The following B3GALT6 variants were observed in gnomAD, a reference collection of about 807,000 sequenced individuals.
The protein encoded by B3GALT6 is GAG GalTII.
A neutral mutation model predicts 23.3 loss-of-function variants in B3GALT6; 27 were observed. The observed-to-expected ratio is 1.16, with a 90% CI of 0.85 to 1.60. B3GALT6 has a LOEUF of 1.60. Among genes scored for constraint, B3GALT6 ranks in the 40% most tolerant of loss-of-function variants. The probability of loss-of-function intolerance (pLI) is 0.00; values close to 1 mark genes in which losing one functional copy is unlikely to be tolerated. For synonymous variants in B3GALT6, 313 were observed against 232.3 expected (o/e 1.35, Z -3.16); for missense variants, 554 against 471.1 (o/e 1.18, Z -1.63).
rs1408150364 is a variant in B3GALT6 at position 1,234,868 on chromosome 1, G to A, written c.*1600G>A. On this transcript the variant is annotated 3_prime_UTR_variant, in exon 1 of 1. Transcript: ENST00000379198. ...GGCTGGACTCCCACACCTCTGGCCT[G>A]CGTCGCCCAGTTCTTTGTGGCTCTG... 3.6e-5 allele frequency: 6 copies of A among 166,902 alleles called. No individual in the cohort carries two copies. The Admixed American group carries it at 3.9e-4, about 11-fold the overall frequency. 10.3% of individuals were successfully genotyped at this position (166,902 alleles called of 1,614,324 possible). A position where few individuals can be genotyped will look rare whatever the true frequency, so the allele number is the denominator to read the frequency against.
rs1638568014 is a variant in B3GALT6 at position 1,233,081 on chromosome 1, C to T, written c.803C>T (p.Ser268Phe). The change falls in exon 1 of 1, where the codon TCC (serine) becomes TTC (phenylalanine). Residue 268 changes from serine (S) to phenylalanine (F), a missense_variant. Ser to Phe is a radical substitution (Grantham distance 155, BLOSUM62 -2). Coordinates refer to ENST00000379198, the MANE Select transcript of B3GALT6 (RefSeq NM_080605.4). ...HDPRFDTEYRSRGCSNQYLVT... is the reference protein window; with the variant it reads ...HDPRFDTEYRFRGCSNQYLVT... ...CCGCGCTTCGACACCGAATACCGGT[C>T]CCGCGGCTGCAGCAACCAGTACCTG... 5 of 1,556,920 alleles carry T rather than the reference C, an allele frequency of 3.2e-6. No homozygotes were observed. In the Admixed American group the frequency reaches 5.6e-5, roughly 17 times the overall value.
Position 1,233,036 on chromosome 1 carries a change from A to G in B3GALT6, c.758A>G (p.Asp253Gly). The change falls in exon 1 of 1, where the codon GAC becomes GGC. Residue 253 changes from aspartate to glycine, a missense_variant. Physicochemically the swap from Asp to Gly is moderately conservative, Grantham distance 94. Coordinates refer to ENST00000379198, the MANE Select transcript of B3GALT6 (RefSeq NM_080605.4). The part of the protein sequence containing the change: ...VSLGAWLAPV[D>G]VQREHDPRFD... Reference sequence around the variant, plus strand: ...CTGGGCGCCTGGCTGGCGCCGGTGGACGTCCAGCGGGAGCACGACCCGCGC... The same window carrying G: ...CTGGGCGCCTGGCTGGCGCCGGTGGGCGTCCAGCGGGAGCACGACCCGCGC... 6.4e-7 allele frequency: 1 copy of G among 1,551,384 alleles called. No individual in the cohort carries two copies.
In B3GALT6 at chr1:1,232,829, G is replaced by A; in HGVS notation, c.551G>A (p.Gly184Asp). The A allele has an allele frequency of 1.4e-6, 2 of 1,447,972 alleles. No homozygotes were observed. Among genetic ancestry groups the A allele is most frequent in the Non-Finnish European group, 1.8e-6 (2 of 1,115,418 alleles). 89.7% of individuals were successfully genotyped at this position (1,447,972 alleles called of 1,614,324 possible). Residue 184 changes from glycine to aspartate, a missense_variant, in exon 1 of 1, where the codon GGC (glycine) becomes GAC (aspartate). Transcript: ENST00000379198. Reference protein sequence around the residue: ...EPARRRRLYWGFFSGRGRVKP... With the variant: ...EPARRRRLYWDFFSGRGRVKP... ...GCGCGCCGCCGCCGCCTCTACTGGG[G>A]CTTCTTCTCGGGCCGCGGCCGCGTC...
rs925785977 is a variant in B3GALT6, at chr1:1,234,281, T to C, written c.*1013T>C. Reference sequence around the variant, plus strand: ...TTGGGACCGGGTCCAGTCTGGGGTCTAGTCTCGAGCATCAGGGTCAGGCTC... The same window carrying C: ...TTGGGACCGGGTCCAGTCTGGGGTCCAGTCTCGAGCATCAGGGTCAGGCTC... On this transcript the variant is annotated 3_prime_UTR_variant, in exon 1 of 1. Transcript: ENST00000379198. The C allele has an allele frequency of 1.2e-5, 2 of 166,908 alleles. No homozygotes were observed. The highest frequency in any genetic ancestry group is 4.8e-5 in the African/African-American group (2 of 41,426). The allele number at this position is 166,908 out of a possible 1,614,324, so 10.3% of individuals were successfully genotyped here.
At position 1,233,925 on chromosome 1, in the gene B3GALT6, C is replaced by T. The variant is rs771909041; in HGVS notation, c.*657C>T. ...TTCTGAAGAGACTTTCCTTTCAAGG[C>T]TTCCCATGGGTCCGCGCCACACAGG... On this transcript the variant is annotated 3_prime_UTR_variant, in exon 1 of 1. Coordinates refer to ENST00000379198, the MANE Select transcript of B3GALT6 (RefSeq NM_080605.4). 8 of 166,776 alleles carry T rather than the reference C, an allele frequency of 4.8e-5. No homozygotes were observed. The highest frequency in any genetic ancestry group is 2.1e-4 in the South Asian group (1 of 4,814). The allele number at this position is 166,776 out of a possible 1,614,324, so 10.3% of individuals were successfully genotyped here. A position where few individuals can be genotyped will look rare whatever the true frequency, so the allele number is the denominator to read the frequency against.
Position 1,232,241 on chromosome 1 carries a change from G to C in B3GALT6, c.-38G>C, listed in dbSNP as rs1386625448. On this transcript the variant is annotated 5_prime_UTR_variant, in exon 1 of 1. Transcript: ENST00000379198. ...CCGAGCCGGCGGCGCCTGCGCACTC[G>C]CGAGTCCGGCCTGGGCCGCCGGCCC... 7.1e-6 allele frequency: 7 copies of C among 980,580 alleles called. No individual in the cohort carries two copies. The highest frequency in any genetic ancestry group is 1.1e-4 in the East Asian group (1 of 8,738). The allele number at this position is 980,580 out of a possible 1,614,324, so 60.7% of individuals were successfully genotyped here. A position where few individuals can be genotyped will look rare whatever the true frequency, so the allele number is the denominator to read the frequency against.
rs1200418637 is a variant in B3GALT6 at position 1,233,028 on chromosome 1, G to A, written c.750G>A (p.Ala250=). Residue 250 remains alanine, a synonymous_variant, in exon 1 of 1, where the codon GCG becomes GCA. Transcript: ENST00000379198. ...ACGTGTCTCTGGGCGCCTGGCTGGC[G>A]CCGGTGGACGTCCAGCGGGAGCACG... ...SEDVSLGAWL[A]PVDVQREHDP... 14 of 1,551,738 alleles carry A rather than the reference G, an allele frequency of 9.0e-6. No homozygotes were observed. The highest frequency in any genetic ancestry group is 7.6e-5 in the Admixed American group (4 of 52,924).
chr1:1,232,533 G>T lies in B3GALT6; in HGVS notation c.255G>T (p.Gly85=), dbSNP rs1372150716. The change falls in exon 1 of 1, where the codon GGG becomes GGT. Residue 85 remains glycine (G), a synonymous_variant. Coordinates refer to ENST00000379198, the MANE Select transcript of B3GALT6 (RefSeq NM_080605.4). ...VIRSTWLARR[G]APGDVWARFA... ...GCAGCACGTGGCTTGCGCGGCGCGG[G>T]GCCCCGGGCGACGTGTGGGCGCGCT... 3.5e-6 allele frequency: 4 copies of T among 1,149,010 alleles called. No homozygotes were observed. In the African/African-American group the frequency reaches 4.9e-5, roughly 14 times the overall value. 71.2% of individuals were successfully genotyped at this position (1,149,010 alleles called of 1,614,324 possible). A position where few individuals can be genotyped will look rare whatever the true frequency, so the allele number is the denominator to read the frequency against.
rs1487851908 is a variant in B3GALT6 at position 1,234,834 on chromosome 1, C to T, written c.*1566C>T. ...CCCATGGACAGTGGAGAGCGGGATT[C>T]GAACCAAGGGCTGGACTCCCACACC... On this transcript the variant is annotated 3_prime_UTR_variant, in exon 1 of 1. Coordinates refer to ENST00000379198, the MANE Select transcript of B3GALT6 (RefSeq NM_080605.4). 6.0e-6 allele frequency: 1 copy of T among 166,880 alleles called. No individual in the cohort carries two copies. Among genetic ancestry groups the T allele is most frequent in the Non-Finnish European group, 1.5e-5 (1 of 68,112 alleles). The allele number at this position is 166,880 out of a possible 1,614,324, so 10.3% of individuals were successfully genotyped here. A position where few individuals can be genotyped will look rare whatever the true frequency, so the allele number is the denominator to read the frequency against.
Position 1,233,043 on chromosome 1 carries a change from G to T in B3GALT6, c.765G>T (p.Gln255His). ...LGAWLAPVDV[Q>H]REHDPRFDTE... ...CCTGGCTGGCGCCGGTGGACGTCCA[G>T]CGGGAGCACGACCCGCGCTTCGACA... The change falls in exon 1 of 1, where the codon CAG becomes CAT. Residue 255 changes from glutamine to histidine, a missense_variant. Transcript: ENST00000379198. 2 of 1,550,284 alleles carry T rather than the reference G, an allele frequency of 1.3e-6. No individual in the cohort carries two copies.
Position 1,232,439 on chromosome 1 carries a change from G to T in B3GALT6, c.161G>T (p.Arg54Leu). ...GRSPPPPAPA[R>L]AAAFLAVLVA... ...AGCCCGCCTCCCCCCGCGCCCGCGC[G>T]CGCCGCCGCCTTCCTGGCAGTGCTG... Residue 54 changes from arginine to leucine, a missense_variant, in exon 1 of 1, where the codon CGC becomes CTC. By Grantham distance (102) the Arg-to-Leu change is moderately radical (BLOSUM62 -2). Coordinates refer to ENST00000379198, the MANE Select transcript of B3GALT6 (RefSeq NM_080605.4). The T allele has an allele frequency of 1.0e-6, 1 of 994,558 alleles. No homozygotes were observed. The highest frequency in any genetic ancestry group is 1.2e-6 in the Non-Finnish European group (1 of 837,836). 61.6% of individuals were successfully genotyped at this position (994,558 alleles called of 1,614,324 possible). A position where few individuals can be genotyped will look rare whatever the true frequency, so the allele number is the denominator to read the frequency against.
In B3GALT6 at chr1:1,232,683, G is replaced by T; in HGVS notation, c.405G>T (p.Lys135Asn). The T allele has an allele frequency of 7.3e-7, 1 of 1,376,116 alleles. No homozygotes were observed. Among genetic ancestry groups the T allele is most frequent in the South Asian group, 1.7e-5 (1 of 60,174 alleles). The allele number at this position is 1,376,116 out of a possible 1,614,324, so 85.2% of individuals were successfully genotyped here. ...LRDAYENLTAKVLAMLAWLDE... is the reference protein window; with the variant it reads ...LRDAYENLTANVLAMLAWLDE... The stretch of plus-strand genomic sequence containing the variant: ...ACGCCTACGAAAACCTCACGGCCAA[G>T]GTGCTGGCCATGCTGGCCTGGCTGG... Residue 135 changes from lysine (K) to asparagine (N), a missense_variant, in exon 1 of 1, where the codon AAG (lysine) becomes AAT (asparagine). By Grantham distance (94) the Lys-to-Asn change is moderately conservative. Coordinates refer to ENST00000379198, the MANE Select transcript of B3GALT6 (RefSeq NM_080605.4).
chr1:1,234,222 G>C lies in B3GALT6; in HGVS notation c.*954G>C, dbSNP rs1171068674. On this transcript the variant is annotated 3_prime_UTR_variant, in exon 1 of 1. Transcript: ENST00000379198. ...CGCGGGTTTTCTCTCTGGGGGACCTGGGTGGTCCCCGCTGTGGTCTTTGTT... is the reference window on the plus strand; with the variant it reads ...CGCGGGTTTTCTCTCTGGGGGACCTCGGTGGTCCCCGCTGTGGTCTTTGTT... 6.0e-6 allele frequency: 1 copy of C among 167,012 alleles called. No homozygotes were observed. The highest frequency in any genetic ancestry group is 3.4e-3 in the Middle Eastern group (1 of 298). 10.3% of individuals were successfully genotyped at this position (167,012 alleles called of 1,614,324 possible).
At position 1,233,852 on chromosome 1, in the gene B3GALT6, C is replaced by T. The variant is rs545692950; in HGVS notation, c.*584C>T. 3 of 167,026 alleles carry T rather than the reference C, an allele frequency of 1.8e-5. No individual in the cohort carries two copies. The highest frequency in any genetic ancestry group is 4.1e-4 in the South Asian group (2 of 4,826). The allele number at this position is 167,026 out of a possible 1,614,324, so 10.3% of individuals were successfully genotyped here. A position where few individuals can be genotyped will look rare whatever the true frequency, so the allele number is the denominator to read the frequency against. The stretch of plus-strand genomic sequence containing the variant: ...GTTTAAACGCAGGAGAACTTTAAAA[C>T]TGGCCATCTATCTTTTCAGTGTACA... On this transcript the variant is annotated 3_prime_UTR_variant, in exon 1 of 1. Transcript: ENST00000379198.
Position 1,232,959 on chromosome 1 carries a change from C to A in B3GALT6, c.681C>A (p.Tyr227Ter), listed in dbSNP as rs1375562480. 2.6e-6 allele frequency: 4 copies of A among 1,564,834 alleles called. No homozygotes were observed. Among genetic ancestry groups the A allele is most frequent in the South Asian group, 2.3e-5 (2 of 86,676 alleles). ...GYVLSADLVH[Y>*]LRLSRDYLRA... The stretch of plus-strand genomic sequence containing the variant: ...TGCTCTCGGCCGACCTGGTGCACTA[C>A]CTGCGCCTCAGCCGCGACTACCTGC... Residue 227 changes from tyrosine (Y) to a stop codon, truncating the protein, a stop_gained, in exon 1 of 1, where the codon TAC (tyrosine) becomes TAA (stop). Coordinates refer to ENST00000379198, the MANE Select transcript of B3GALT6 (RefSeq NM_080605.4). LOFTEE classifies it high-confidence loss of function.
In B3GALT6 at chr1:1,232,326, G is replaced by A. The variant is rs1570497749; in HGVS notation, c.48G>A (p.Leu16=). 3.0e-6 allele frequency: 3 copies of A among 984,064 alleles called. No homozygotes were observed. Among genetic ancestry groups the A allele is most frequent in the Non-Finnish European group, 1.2e-6 (1 of 830,462 alleles). The allele number at this position is 984,064 out of a possible 1,614,324, so 61.0% of individuals were successfully genotyped here. A position where few individuals can be genotyped will look rare whatever the true frequency, so the allele number is the denominator to read the frequency against. ...RAWRRRAALG[L]GTLALCGAAL... ...GGCGGCGGCGGGCGGCGCTAGGCCT[G>A]GGCACGCTGGCGCTGTGCGGGGCGG... Residue 16 remains leucine, a synonymous_variant, in exon 1 of 1, where the codon CTG becomes CTA. Transcript: ENST00000379198.
Position 1,233,223 on chromosome 1 carries a change from C to A in B3GALT6, c.945C>A (p.Ser315=), listed in dbSNP as rs931648533. 6.6e-7 allele frequency: 1 copy of A among 1,513,084 alleles called. No individual in the cohort carries two copies. The highest frequency in any genetic ancestry group is 2.1e-5 in the Admixed American group (1 of 48,296). 93.7% of individuals were successfully genotyped at this position (1,513,084 alleles called of 1,614,324 possible). A position where few individuals can be genotyped will look rare whatever the true frequency, so the allele number is the denominator to read the frequency against. ...GCCTGTCCTACGTGTACGACTGGTC[C>A]GCGCCGCCCTCGCAGTGCTGCCAGA... is the stretch of plus-strand genomic sequence containing the variant. ...QLRLSYVYDW[S]APPSQCCQRR... The change falls in exon 1 of 1, where the codon TCC becomes TCA. Residue 315 remains serine (S), a synonymous_variant. Coordinates refer to ENST00000379198, the MANE Select transcript of B3GALT6 (RefSeq NM_080605.4).
chr1:1,232,343 G>T lies in B3GALT6; in HGVS notation c.65G>T (p.Cys22Phe). 2.0e-6 allele frequency: 2 copies of T among 984,844 alleles called. No homozygotes were observed. Among genetic ancestry groups the T allele is most frequent in the African/African-American group, 3.5e-5 (2 of 56,834 alleles). 61.0% of individuals were successfully genotyped at this position (984,844 alleles called of 1,614,324 possible). A position where few individuals can be genotyped will look rare whatever the true frequency, so the allele number is the denominator to read the frequency against. The change falls in exon 1 of 1, where the codon TGC becomes TTC. Residue 22 changes from cysteine (C) to phenylalanine (F), a missense_variant. Transcript: ENST00000379198. ...CTAGGCCTGGGCACGCTGGCGCTGT[G>T]CGGGGCGGCGCTGCTCTACCTGGCG... is the stretch of plus-strand genomic sequence containing the variant. ...AALGLGTLAL[C>F]GAALLYLARC...
At position 1,232,370 on chromosome 1, in the gene B3GALT6, G is replaced by C. The variant is rs1051860119; in HGVS notation, c.92G>C (p.Arg31Pro). Reference protein sequence around the residue: ...LCGAALLYLARCAAEPGDPRA... With the variant: ...LCGAALLYLAPCAAEPGDPRA... ...GGGGCGGCGCTGCTCTACCTGGCGC[G>C]CTGCGCGGCCGAGCCCGGGGACCCC... Residue 31 changes from arginine to proline, a missense_variant, in exon 1 of 1, where the codon CGC (arginine) becomes CCC (proline). Arg to Pro is a moderately radical substitution (Grantham distance 103). Coordinates refer to ENST00000379198, the MANE Select transcript of B3GALT6 (RefSeq NM_080605.4). The C allele has an allele frequency of 1.0e-6, 1 of 986,328 alleles. No individual in the cohort carries two copies. Among genetic ancestry groups the C allele is most frequent in the African/African-American group, 1.8e-5 (1 of 56,858 alleles). The allele number at this position is 986,328 out of a possible 1,614,324, so 61.1% of individuals were successfully genotyped here. A position where few individuals can be genotyped will look rare whatever the true frequency, so the allele number is the denominator to read the frequency against.
Sources: allele counts gnomAD v4.1 joint callset, GRCh38; gene constraint gnomAD v4.1.1; transcripts MANE v1.5; gene names NCBI Gene and HGNC (gene_info 2026-07-23, HGNC 2026-07-21).